Variants in BST2 observed in about 807,000 individuals in gnomAD.
The protein encoded by BST2 is bone marrow stromal antigen 2.
BST2 carries 10 observed loss-of-function variants against 18.6 expected under a neutral mutation model. The observed-to-expected ratio is 0.54, with a 90% CI of 0.33 to 0.91. The LOEUF is 0.91. Among genes scored for constraint, BST2 ranks in the 40% least tolerant of loss-of-function variants. BST2 has a pLI of 0.02. For synonymous variants in BST2, 75 were observed against 96.8 expected, an observed-to-expected ratio of 0.77 and a Z score of 1.32; for missense variants, 183 against 228.4, an observed-to-expected ratio of 0.80 and a Z score of 1.28.
In BST2 at chr19:17,403,232, C is replaced by T. The variant is rs1568384708; in HGVS notation, c.*110G>A. 4.0e-6 allele frequency: 4 copies of T among 999,422 alleles called. No individual in the cohort carries two copies. Among genetic ancestry groups the T allele is most frequent in the Non-Finnish European group, 4.8e-6 (4 of 838,238 alleles). 61.9% of individuals were successfully genotyped at this position (999,422 alleles called of 1,614,324 possible). A position where few individuals can be genotyped will look rare whatever the true frequency, so the allele number is the denominator to read the frequency against. On this transcript the variant is annotated 3_prime_UTR_variant, in exon 5 of 5. Coordinates refer to ENST00000252593, the MANE Select transcript of BST2 (RefSeq NM_004335.4). ...TTCTCCGGCTACCCCGTGCTCTCCC[C>T]GCTAACCGTGTTGCCCCATGACCCG...
Position 17,405,303 on chromosome 19 carries a change from G to C in BST2, c.273C>G (p.Cys91Trp). The part of the protein sequence containing the change: ...FQDVEAQAAT[C>W]NHTVMALMAS... ...TTGAGGAGCTTACCACAGTGTGGTT[G>C]CAGGTGGCGGCCTGGGCCTCCACAT... Residue 91 changes from cysteine to tryptophan, a missense_variant, in exon 1 of 5, where the codon TGC (cysteine) becomes TGG (tryptophan). Physicochemically the swap from Cys to Trp is radical, Grantham distance 215. Transcript: ENST00000252593. The C allele has an allele frequency of 6.2e-7, 1 of 1,611,480 alleles. No individual in the cohort carries two copies. The highest frequency in any genetic ancestry group is 1.1e-5 in the South Asian group (1 of 90,862).
chr19:17,404,354 C>T lies in BST2; in HGVS notation c.352+17G>A. ...TGACTCACCCCTCCCCGGCCCTCTC[C>T]CTTCTCCCTTTCTCACCCTCAAGCT... is the stretch of plus-strand genomic sequence containing the variant. On this transcript the variant is annotated intron_variant, in intron 2 of 4. Transcript: ENST00000252593. 4 of 1,601,568 alleles carry T rather than the reference C, an allele frequency of 2.5e-6. No individual in the cohort carries two copies.
At chr19:17,404,247 C>T (rs1458052329) in intron 2 of BST2, 58 bp from the exon 3 acceptor site, 20 of 1,572,334 alleles carry the variant, frequency 1.3e-5, no homozygotes, top group Non-Finnish European at 1.7e-5. Flanking sequence ...ATGCTGGGGC[C>T]CTGCTCCACT....
rs1285913459 is a variant in BST2, at chr19:17,405,386, G to A, written c.190C>T (p.Arg64Cys). The change falls in exon 1 of 5, where the codon CGC becomes TGC. Residue 64 changes from arginine (R) to cysteine (C), a missense_variant. By Grantham distance (180) the Arg-to-Cys change is radical (BLOSUM62 -3). Transcript: ENST00000252593. ...TGTTGCAGGAGATGGGTGACATTGCGACACTCCATCACTGCCCGAAGGCCG... is the reference window on the plus strand; with the variant it reads ...TGTTGCAGGAGATGGGTGACATTGCAACACTCCATCACTGCCCGAAGGCCG... ...RDGLRAVMECRNVTHLLQQEL... is the reference protein window; with the variant it reads ...RDGLRAVMECCNVTHLLQQEL... The A allele has an allele frequency of 5.0e-6, 8 of 1,614,240 alleles. 1 individual carries two copies. The highest frequency in any genetic ancestry group is 4.5e-5 in the East Asian group (2 of 44,888).
chr19:17,403,878 C>T (rs2074710421), intron 3 of BST2, 54 bp from the exon 4 acceptor site: 3 of 1,580,794 alleles, frequency 1.9e-6, no homozygotes, highest in African/African-American at 1.3e-5. Context: ...CTGCCGCCCT[C>T]CCTGTAAGCC....
Position 17,404,396 on chromosome 19 carries a change from T to C in BST2, c.327A>G (p.Gly109=). ...CCTCAAGCTCCTCCACTTTCTTTTGTCCTTGGGCCTTCTCTGCATCCAGGG... is the reference window on the plus strand; with the variant it reads ...CCTCAAGCTCCTCCACTTTCTTTTGCCCTTGGGCCTTCTCTGCATCCAGGG... The part of the protein sequence containing the change: ...MASLDAEKAQ[G]QKKVEELEGE... Residue 109 remains glycine, a synonymous_variant, in exon 2 of 5, where the codon GGA becomes GGG. Coordinates refer to ENST00000252593, the MANE Select transcript of BST2 (RefSeq NM_004335.4). 6.2e-7 allele frequency: 1 copy of C among 1,613,748 alleles called. No individual in the cohort carries two copies. The highest frequency in any genetic ancestry group is 8.5e-7 in the Non-Finnish European group (1 of 1,179,806).
At chr19:17,404,546 C>T in intron 1 of BST2, 109 bp from the exon 2 acceptor site, 4 of 1,524,508 alleles carry the variant, frequency 2.6e-6, no homozygotes, top group Non-Finnish European at 3.6e-6. Context: ...AATGCAAACC[C>T]CTTTCAGGTT....
Position 17,404,516 on chromosome 19 carries a change from C to T in BST2, c.286-79G>A, listed in dbSNP as rs1352444328. ...TGGGACCTGGGCCTCCTCCCTAGGTCCTGGGGACAGAGGGGCTTAAATGCA... is the reference window on the plus strand; with the variant it reads ...TGGGACCTGGGCCTCCTCCCTAGGTTCTGGGGACAGAGGGGCTTAAATGCA... On this transcript the variant is annotated intron_variant, in intron 1 of 4. Coordinates refer to ENST00000252593, the MANE Select transcript of BST2 (RefSeq NM_004335.4). 6 of 1,606,960 alleles carry T rather than the reference C, an allele frequency of 3.7e-6. No individual in the cohort carries two copies. In the African/African-American group the frequency reaches 6.7e-5, roughly 18 times the overall value.
chr19:17,403,538 C>G, intron 4 of BST2, 142 bp downstream of exon 4: 5 of 1,085,298 alleles, frequency 4.6e-6, no homozygotes, highest in African/African-American at 1.7e-5. Flanking sequence ...TCACTGGATT[C>G]TCCCTCCTTC....
intron 4 of BST2, 94 bp downstream of exon 4, chr19:17,403,586 T>A: frequency 1.5e-6 from 2 of 1,344,012 alleles, no homozygotes; most frequent in Non-Finnish European, 2.0e-6. Context: ...TCCCTTCCCC[T>A]GCAGCCTCTC....
In BST2 at chr19:17,403,014, CA is replaced by C. The variant is rs1033685946; in HGVS notation, c.*327del. On this transcript the variant is annotated 3_prime_UTR_variant, in exon 5 of 5. Coordinates refer to ENST00000252593, the MANE Select transcript of BST2 (RefSeq NM_004335.4). ...CCCCAGAAAAAAGCAACCCCCCCCG[CA>C]AAAAAAACCCATAACAACAGGCAGC... 2.0e-6 allele frequency: 2 copies of C among 983,892 alleles called. No homozygotes were observed. The highest frequency in any genetic ancestry group is 2.4e-6 in the Non-Finnish European group (2 of 829,418). The allele number at this position is 983,892 out of a possible 1,614,324, so 60.9% of individuals were successfully genotyped here. A position where few individuals can be genotyped will look rare whatever the true frequency, so the allele number is the denominator to read the frequency against.
rs770727662 is a variant in BST2 at position 17,405,493 on chromosome 19, A to C, written c.83T>G (p.Ile28Ser). 1 of 1,614,256 alleles carries C rather than the reference A, an allele frequency of 6.2e-7. No homozygotes were observed. Among genetic ancestry groups the C allele is most frequent in the South Asian group, 1.1e-5 (1 of 91,088 alleles). ...KRCKLLLGIG[I>S]LVLLIIVILG... Reference sequence around the variant, plus strand: ...AATCACGATGATCAGGAGCACCAGAATTCCTATCCCCAGCAGAAGCTTACA... The same window carrying C: ...AATCACGATGATCAGGAGCACCAGACTTCCTATCCCCAGCAGAAGCTTACA... Residue 28 changes from isoleucine (I) to serine (S), a missense_variant, in exon 1 of 5, where the codon ATT (isoleucine) becomes AGT (serine). Transcript: ENST00000252593.
rs2074704941 is a variant in BST2, at chr19:17,403,012, C to CG, written c.*329dup. 2.0e-6 allele frequency: 2 copies of CG among 984,898 alleles called. No homozygotes were observed. The highest frequency in any genetic ancestry group is 1.8e-5 in the African/African-American group (1 of 57,078). 61.0% of individuals were successfully genotyped at this position (984,898 alleles called of 1,614,324 possible). On this transcript the variant is annotated 3_prime_UTR_variant, in exon 5 of 5. Transcript: ENST00000252593. ...GACCCCAGAAAAAAGCAACCCCCCC[C>CG]GCAAAAAAAACCCATAACAACAGGC...
At chr19:17,403,421 C>A (rs1313648748) in intron 4 of BST2, 95 bp from the exon 5 acceptor site, 1 of 772,670 alleles carries the variant, frequency 1.3e-6, no homozygotes, top group Non-Finnish European at 1.5e-6. Flanking sequence ...CATCGCTAGA[C>A]CCGCCCCACC....
In BST2 at chr19:17,405,331, T is replaced by C. The variant is rs1188708121; in HGVS notation, c.245A>G (p.Gln82Arg). The stretch of plus-strand genomic sequence containing the variant: ...GGTGGCGGCCTGGGCCTCCACATCC[T>C]GAAAGCCCTTCTGGGCCTCGGTCAG... ...QELTEAQKGF[Q>R]DVEAQAATCN... Residue 82 changes from glutamine (Q) to arginine (R), a missense_variant, in exon 1 of 5, where the codon CAG becomes CGG. Transcript: ENST00000252593. The C allele has an allele frequency of 2.5e-6, 4 of 1,613,874 alleles. No homozygotes were observed. The Admixed American group carries it at 5.0e-5, about 20-fold the overall frequency.
Position 17,403,174 on chromosome 19 carries a change from C to A in BST2, c.*168G>T. The A allele has an allele frequency of 1.0e-6, 1 of 991,262 alleles. No individual in the cohort carries two copies. Among genetic ancestry groups the A allele is most frequent in the African/African-American group, 1.7e-5 (1 of 57,352 alleles). The allele number at this position is 991,262 out of a possible 1,614,324, so 61.4% of individuals were successfully genotyped here. On this transcript the variant is annotated 3_prime_UTR_variant, in exon 5 of 5. Coordinates refer to ENST00000252593, the MANE Select transcript of BST2 (RefSeq NM_004335.4). ...ACTGTGTCCCCACACCCAGGACTTC[C>A]CCATGGCCCCTCCAGACCTGCTCCA...
intron 4 of BST2, 140 bp downstream of exon 4, chr19:17,403,540 C>G: frequency 1.7e-6 from 2 of 1,162,090 alleles, no homozygotes; most frequent in Non-Finnish European, 2.3e-6. Flanking sequence ...ACTGGATTCT[C>G]CCTCCTTCCC....
intron 4 of BST2, 47 bp downstream of exon 4, chr19:17,403,630 CGCT>C: frequency 2.5e-6 from 4 of 1,575,312 alleles, no homozygotes; most frequent in Non-Finnish European, 2.6e-6. Flanking sequence ...TTCCCCGCCC[CGCT>C]TCCCCAGCTT....
In BST2 at chr19:17,403,796, T is replaced by C; in HGVS notation, c.442A>G (p.Ile148Val). 1 of 1,612,566 alleles carries C rather than the reference T, an allele frequency of 6.2e-7. No individual in the cohort carries two copies. Among genetic ancestry groups the C allele is most frequent in the Non-Finnish European group, 8.5e-7 (1 of 1,179,714 alleles). ...CTGGGGTAGTACTTCTTGTCCGCGA[T>C]TCTCACGCTTAAGACCTGGTTTTCT... ...RRENQVLSVR[I>V]ADKKYYPSSQ... Residue 148 changes from isoleucine to valine, a missense_variant, in exon 4 of 5, where the codon ATC (isoleucine) becomes GTC (valine). Transcript: ENST00000252593.
Sources: allele counts gnomAD v4.1 joint callset, GRCh38; gene constraint gnomAD v4.1.1; transcripts MANE v1.5; gene names NCBI Gene and HGNC (gene_info 2026-07-23, HGNC 2026-07-21).